Variants in TNR observed in about 807,000 individuals in gnomAD.
TNR encodes the protein tenascin-R.
TNR carries 45 observed loss-of-function variants against 150.4 expected under a neutral mutation model. That is an observed-to-expected ratio of 0.30 (90% confidence interval 0.24 to 0.38). The LOEUF (loss-of-function observed/expected upper bound fraction) is 0.38. TNR is among the 10% of genes least tolerant of loss of function. TNR has a pLI of 1.00. For synonymous variants in TNR, 687 were observed against 678.4 expected (o/e 1.01, Z -0.20); for missense variants, 1,544 against 1,759.1 (o/e 0.88, Z 2.19).
chr1:175,374,317 A>C (rs749251917), intron 9 of TNR, among the ~76,000 whole-genome samples: 3 of 151,968 alleles, frequency 2.0e-5, no homozygotes, highest in Admixed American at 6.6e-5. Context: ...GAAGGCGGCA[A>C]CTCCCAAAGC....
chr1:175,651,847 C>T (rs1253119036), intron 1 of TNR, among the ~76,000 whole-genome samples: 2 of 151,576 alleles, frequency 1.3e-5, no homozygotes, highest in Non-Finnish European at 2.9e-5. Flanking sequence ...CTGAATACAA[C>T]AGTTATGAAA....
chr1:175,458,458 T>C (rs181132421), intron 2 of TNR, among the ~76,000 whole-genome samples: 4 of 152,262 alleles, frequency 2.6e-5, no homozygotes. Context: ...CTAAAATAAA[T>C]AATAATTAAC....
intron 2 of TNR, among the ~76,000 whole-genome samples, chr1:175,521,366 T>C (rs938707541): frequency 6.6e-6 from 1 of 152,222 alleles, no homozygotes; most frequent in African/African-American, 2.4e-5. Flanking sequence ...CTGAAGGGTG[T>C]GATGTTTTCA....
chr1:175,431,061 G>C (rs981859697), intron 2 of TNR, among the ~76,000 whole-genome samples: 1 of 152,036 alleles, frequency 6.6e-6, no homozygotes, highest in Non-Finnish European at 1.5e-5. Flanking sequence ...CCTATTCCAG[G>C]GACGGAATCT....
At chr1:175,427,294 T>C (rs990057143) in intron 2 of TNR, among the ~76,000 whole-genome samples, 6 of 151,994 alleles carry the variant, frequency 3.9e-5, no homozygotes, top group Non-Finnish European at 8.8e-5. Flanking sequence ...AATTCTCTAG[T>C]AGCCACACTA....
chr1:175,682,868 T>C (rs2101911675), intron 1 of TNR, among the ~76,000 whole-genome samples: 1 of 152,260 alleles, frequency 6.6e-6, no homozygotes, highest in Non-Finnish European at 1.5e-5. Context: ...GTGATTTCCC[T>C]TTTCAAACAT....
At position 175,424,084 on chromosome 1, in the gene TNR, T is replaced by G. The variant is rs566102852; in HGVS notation, c.-63-17307A>C. Among the ~76,000 whole-genome samples the G allele has an allele frequency of 4.6e-5, 7 of 152,390 alleles. No homozygotes were observed. In the East Asian group the frequency reaches 1.3e-3, roughly 29 times the overall value. ...CATACAGAAAGATTGTATTTTTAAT[T>G]ACTGATTTTGGTGGGGTTTTTTCCA... On this transcript the variant is annotated intron_variant, in intron 2 of 22. Transcript: ENST00000367674.
chr1:175,501,134 G>A (rs775536458), intron 2 of TNR, among the ~76,000 whole-genome samples: 5 of 152,142 alleles, frequency 3.3e-5, no homozygotes, highest in Non-Finnish European at 7.3e-5. Flanking sequence ...TAGCTGACCC[G>A]AGTTAATCAA....
Sources: allele counts gnomAD v4.1 joint callset (sites outside exome capture counted in the v4.1 genomes callset), GRCh38; gene constraint gnomAD v4.1.1; transcripts MANE v1.5; gene names NCBI Gene and HGNC (gene_info 2026-07-23, HGNC 2026-07-21).